Variants in SEC24B observed in about 807,000 individuals in gnomAD.
SEC24B encodes the protein protein transport protein Sec24B.
SEC24B carries 45 observed loss-of-function variants against 142.8 expected under a neutral mutation model. The observed-to-expected ratio is 0.32, with a 90% CI of 0.25 to 0.40. The LOEUF is 0.40. Ranked by LOEUF, SEC24B falls within the 10% of genes least tolerant of loss-of-function variation. The probability of loss-of-function intolerance (pLI) is 1.00; values close to 1 mark genes in which losing one functional copy is unlikely to be tolerated. For synonymous variants in SEC24B, 574 were observed against 568.2 expected (o/e 1.01, Z -0.15); for missense variants, 1,409 against 1,526.8 (o/e 0.92, Z 1.29).
At chr4:109,518,815 T>C (rs1723271480) in intron 11 of SEC24B, among the ~76,000 whole-genome samples, 1 of 149,220 alleles carries the variant, frequency 6.7e-6, no homozygotes, top group East Asian at 1.9e-4. Context: ...TTTTTTTTTT[T>C]TTTTTTTTTG....
At chr4:109,494,151 A>G (rs1206546520) in intron 5 of SEC24B, among the ~76,000 whole-genome samples, 1 of 152,098 alleles carries the variant, frequency 6.6e-6, no homozygotes, top group East Asian at 1.9e-4. Flanking sequence ...TATTATATAA[A>G]TATATTCTTA....
chr4:109,474,830 TTTC>T (rs1409743166), intron 3 of SEC24B, among the ~76,000 whole-genome samples: 1 of 152,246 alleles, frequency 6.6e-6, no homozygotes, highest in Non-Finnish European at 1.5e-5. Context: ...TGCAATTATG[TTTC>T]TTCTTTTTTC....
chr4:109,447,146 T>G (rs564899576), intron 1 of SEC24B, among the ~76,000 whole-genome samples: 2 of 152,252 alleles, frequency 1.3e-5, no homozygotes, highest in East Asian at 3.9e-4. Flanking sequence ...AGAGGGTATT[T>G]TGGAAGGTTC....
intron 22 of SEC24B, among the ~76,000 whole-genome samples, chr4:109,535,784 G>C (rs1274842542): frequency 6.6e-6 from 1 of 151,964 alleles, no homozygotes; most frequent in Non-Finnish European, 1.5e-5. Context: ...ACCGGGAGGC[G>C]GAGCTTGCAG....
chr4:109,519,964 A>C, intron 11 of SEC24B, among the ~76,000 whole-genome samples: 1 of 152,206 alleles, frequency 6.6e-6, no homozygotes, highest in East Asian at 1.9e-4. Flanking sequence ...TTTTCTTTGT[A>C]TTGTAGCATC....
Position 109,434,042 on chromosome 4 carries a change from C to T in SEC24B, c.133+40C>T, listed in dbSNP as rs1728125819. On this transcript the variant is annotated intron_variant, in intron 1 of 23. Coordinates refer to ENST00000265175, the MANE Select transcript of SEC24B (RefSeq NM_006323.5). ...CCGGGCGGAGCGCGGGGCCTAGCAC[C>T]GGCTGGGCGGCCTGCACGGCCACAT... is the stretch of plus-strand genomic sequence containing the variant. The T allele has an allele frequency of 5.6e-6, 6 of 1,062,070 alleles. No homozygotes were observed. The East Asian group carries it at 2.0e-4, about 36-fold the overall frequency. The allele number at this position is 1,062,070 out of a possible 1,614,324, so 65.8% of individuals were successfully genotyped here. A position where few individuals can be genotyped will look rare whatever the true frequency, so the allele number is the denominator to read the frequency against.
At chr4:109,452,096 A>G (rs60957336) in intron 1 of SEC24B, among the ~76,000 whole-genome samples, 26,442 of 151,622 alleles carry the variant, frequency 0.17, 2,579 homozygotes, top group African/African-American at 0.26. Flanking sequence ...AAAAGTTCTT[A>G]TAGTCAGTAC....
intron 1 of SEC24B, among the ~76,000 whole-genome samples, chr4:109,452,273 A>T (rs1268646351): frequency 6.6e-6 from 1 of 152,142 alleles, no homozygotes; most frequent in Non-Finnish European, 1.5e-5. Flanking sequence ...TGTTATTGCT[A>T]AGTAGTATTC....
At chr4:109,444,182 A>G (rs1306235055) in intron 1 of SEC24B, among the ~76,000 whole-genome samples, 2 of 149,800 alleles carry the variant, frequency 1.3e-5, no homozygotes, top group African/African-American at 2.5e-5. Flanking sequence ...TGATCATGCC[A>G]TCGCCTGGGC....
intron 3 of SEC24B, among the ~76,000 whole-genome samples, chr4:109,479,865 T>C (rs1420802016): frequency 6.6e-6 from 1 of 152,202 alleles, no homozygotes; most frequent in Non-Finnish European, 1.5e-5. Context: ...GCTGGGATTA[T>C]AGACATGAGC....
chr4:109,439,893 G>C (rs986089368), intron 1 of SEC24B, among the ~76,000 whole-genome samples: 2 of 151,448 alleles, frequency 1.3e-5, no homozygotes, highest in African/African-American at 4.8e-5. Flanking sequence ...GGCTGAGGCG[G>C]GCGGATCACT....
At chr4:109,531,680 C>G (rs1417484780) in intron 20 of SEC24B, among the ~76,000 whole-genome samples, 158 bp downstream of exon 20, 1 of 152,130 alleles carries the variant, frequency 6.6e-6, no homozygotes, top group Non-Finnish European at 1.5e-5. Context: ...GGCTGTGGAT[C>G]TGATTGGATG....
At chr4:109,485,549 T>C (rs568004148) in intron 4 of SEC24B, among the ~76,000 whole-genome samples, 2 of 152,342 alleles carry the variant, frequency 1.3e-5, no homozygotes, top group South Asian at 4.1e-4. Flanking sequence ...GACTATATTA[T>C]TGACATTTTT....
chr4:109,519,245 C>T (rs191011047), intron 11 of SEC24B, among the ~76,000 whole-genome samples: 1 of 152,238 alleles, frequency 6.6e-6, no homozygotes, highest in East Asian at 1.9e-4. Context: ...ACTCTATTAG[C>T]CTTGTATGGA....
chr4:109,467,410 G>C (rs1732061529), intron 2 of SEC24B, among the ~76,000 whole-genome samples: 1 of 151,810 alleles, frequency 6.6e-6, no homozygotes, highest in East Asian at 1.9e-4. Flanking sequence ...TGCACTTTTG[G>C]CTAGTGTTTA....
At chr4:109,464,090 CT>C (rs1731604068) in intron 2 of SEC24B, among the ~76,000 whole-genome samples, 1 of 152,078 alleles carries the variant, frequency 6.6e-6, no homozygotes, top group South Asian at 2.1e-4. Context: ...AAGTTAGCCC[CT>C]ATTAGTGACT....
At chr4:109,445,326 C>T (rs1729346775) in intron 1 of SEC24B, among the ~76,000 whole-genome samples, 2 of 145,056 alleles carry the variant, frequency 1.4e-5, no homozygotes, top group Admixed American at 1.4e-4. Flanking sequence ...TCACTGCAAG[C>T]TCCGCCTCCC....
intron 21 of SEC24B, 144 bp downstream of exon 21, chr4:109,532,887 G>A (rs2126099165): frequency 1.8e-6 from 1 of 550,408 alleles, no homozygotes; most frequent in Non-Finnish European, 3.3e-6. Context: ...TAGCACTGGA[G>A]GTCAATTTAC....
chr4:109,436,795 A>G (rs1366589456), intron 1 of SEC24B, among the ~76,000 whole-genome samples: 4 of 152,350 alleles, frequency 2.6e-5, no homozygotes, highest in African/African-American at 9.6e-5. Flanking sequence ...ACTCTGGAAC[A>G]GTAAGATTTG....
Sources: allele counts gnomAD v4.1 joint callset (sites outside exome capture counted in the v4.1 genomes callset), GRCh38; gene constraint gnomAD v4.1.1; transcripts MANE v1.5; gene names NCBI Gene and HGNC (gene_info 2026-07-23, HGNC 2026-07-21).